Variants in FAT3 observed in about 807,000 individuals in gnomAD.
The protein encoded by FAT3 is protocadherin Fat 3.
Under a neutral mutation model 310.2 loss-of-function variants are expected in FAT3, and 95 were observed. The observed-to-expected ratio is 0.31, with a 90% CI of 0.26 to 0.36. The LOEUF (loss-of-function observed/expected upper bound fraction) is 0.36. Among genes scored for constraint, FAT3 ranks in the 10% least tolerant of loss-of-function variants. The pLI is 1.00. For missense variants in FAT3, 5,408 were observed against 5,715.6 expected, an observed-to-expected ratio of 0.95 and a Z score of 1.74; for synonymous variants, 2,314 against 2,192.9, an observed-to-expected ratio of 1.06 and a Z score of -1.54.
intron 2 of FAT3, among the ~76,000 whole-genome samples, chr11:92,409,194 G>A (rs1245149832): frequency 6.6e-6 from 1 of 151,966 alleles, no homozygotes; most frequent in African/African-American, 2.4e-5. Flanking sequence ...GTTAATAAAT[G>A]TCACCACAGT....
At chr11:92,648,538 G>C (rs1488011915) in intron 3 of FAT3, among the ~76,000 whole-genome samples, 1 of 152,130 alleles carries the variant, frequency 6.6e-6, no homozygotes, top group African/African-American at 2.4e-5. Context: ...GCCTCCCTCA[G>C]AGCAGAACAA....
At chr11:92,261,056 T>C (rs985716885) in intron 1 of FAT3, among the ~76,000 whole-genome samples, 2 of 152,094 alleles carry the variant, frequency 1.3e-5, no homozygotes, top group East Asian at 3.9e-4. Context: ...TTGTATCATT[T>C]ATTCATATTT....
chr11:92,637,237 T>C (rs138274202), intron 3 of FAT3, among the ~76,000 whole-genome samples: 4 of 152,304 alleles, frequency 2.6e-5, no homozygotes, highest in South Asian at 2.1e-4. Flanking sequence ...CACTGCCCCA[T>C]TGAGTATTGG....
In FAT3 at chr11:92,481,760, C is replaced by A. The variant is rs57627969; in HGVS notation, c.3293-42874C>A. ...TTGCTGTCTAGAAATTAGAAAAACA[C>A]CAGATATTTGAGTTGTGTGGCCAGT... is the stretch of plus-strand genomic sequence containing the variant. On this transcript the variant is annotated intron_variant, in intron 2 of 27. Transcript: ENST00000525166. Among the ~76,000 whole-genome samples, 1,376 of 152,188 alleles carry A rather than the reference C, an allele frequency of 9.0e-3. 17 individuals carry two copies. Among genetic ancestry groups the A allele is most frequent in the African/African-American group, 0.032 (1,325 of 41,516 alleles).
At chr11:92,227,969 T>C (rs1488262802) in intron 1 of FAT3, among the ~76,000 whole-genome samples, 1 of 152,132 alleles carries the variant, frequency 6.6e-6, no homozygotes, top group Non-Finnish European at 1.5e-5. Flanking sequence ...CTCTTAGAAT[T>C]AAACCGAATG....
chr11:92,568,014 A>C (rs1018761312), intron 3 of FAT3, among the ~76,000 whole-genome samples: 1 of 152,154 alleles, frequency 6.6e-6, no homozygotes, highest in African/African-American at 2.4e-5. Flanking sequence ...CACATTGTGC[A>C]CATGTACCCT....
chr11:92,246,959 T>C (rs1409878804), intron 1 of FAT3, among the ~76,000 whole-genome samples: 1 of 152,080 alleles, frequency 6.6e-6, no homozygotes, highest in Non-Finnish European at 1.5e-5. Flanking sequence ...GAAATGAAAC[T>C]AAGACTGATA....
intron 12 of FAT3, among the ~76,000 whole-genome samples, chr11:92,807,724 A>G (rs1191792981): frequency 6.6e-6 from 1 of 152,208 alleles, no homozygotes; most frequent in African/African-American, 2.4e-5. Flanking sequence ...CTCCAAACCT[A>G]TAAGCCCTCA....
intron 1 of FAT3, among the ~76,000 whole-genome samples, chr11:92,346,344 C>T (rs7925408): frequency 0.36 from 55,099 of 151,974 alleles, 14,582 homozygotes; most frequent in African/African-American, 0.75. Flanking sequence ...AGTTCCCTAA[C>T]GCAGCTGTAG....
At chr11:92,859,050 C>G in intron 20 of FAT3, 115 bp from the exon 21 acceptor site, 3 of 929,808 alleles carry the variant, frequency 3.2e-6, no homozygotes, top group Non-Finnish European at 4.5e-6. Flanking sequence ...CCTTCATTAA[C>G]TTCTCATGCA....
At chr11:92,867,994 A>G (rs987348990) in intron 22 of FAT3, among the ~76,000 whole-genome samples, 1 of 152,150 alleles carries the variant, frequency 6.6e-6, no homozygotes, top group African/African-American at 2.4e-5. Context: ...TCTAGAGATA[A>G]AAGAATCCCT....
At chr11:92,653,004 C>T (rs1478316951) in intron 3 of FAT3, among the ~76,000 whole-genome samples, 3 of 152,076 alleles carry the variant, frequency 2.0e-5, no homozygotes, top group African/African-American at 4.8e-5. Context: ...CTCTACTATA[C>T]ACAAATTAGC....
chr11:92,656,846 A>G (rs1431863319), intron 3 of FAT3, among the ~76,000 whole-genome samples: 1 of 151,966 alleles, frequency 6.6e-6, no homozygotes, highest in Non-Finnish European at 1.5e-5. Context: ...GACCCTTGGA[A>G]CTCTTCATAA....
At chr11:92,234,902 CAAAAA>C (rs35407952) in intron 1 of FAT3, among the ~76,000 whole-genome samples, 1 of 99,674 alleles carries the variant, frequency 1.0e-5, no homozygotes. Flanking sequence ...GACTCCGTCT[CAAAAA>C]AAAAAAAAAA....
chr11:92,837,659 G>T lies in FAT3; in HGVS notation c.10225-4G>T. On this transcript the variant is annotated splice_polypyrimidine_tract_variant and splice_region_variant and intron_variant, in intron 16 of 27. Coordinates refer to ENST00000525166, the MANE Select transcript of FAT3 (RefSeq NM_001367949.2). ...TTTACTGTCACCTCTTTGTACCTTG[G>T]CAGGTGTCTGGATACTCTCTGCTTG... 1 of 1,613,600 alleles carries T rather than the reference G, an allele frequency of 6.2e-7. No individual in the cohort carries two copies. Among genetic ancestry groups the T allele is most frequent in the Non-Finnish European group, 8.5e-7 (1 of 1,179,768 alleles).
At chr11:92,758,705 C>A (rs1223739826) in intron 4 of FAT3, among the ~76,000 whole-genome samples, 1 of 152,144 alleles carries the variant, frequency 6.6e-6, no homozygotes, top group East Asian at 1.9e-4. Flanking sequence ...GCAGGGAGGC[C>A]AGGAGGCTAC....
At chr11:92,723,272 G>A (rs983601776) in intron 4 of FAT3, among the ~76,000 whole-genome samples, 4 of 152,066 alleles carry the variant, frequency 2.6e-5, no homozygotes, top group Admixed American at 6.5e-5. Flanking sequence ...CATATCTTTA[G>A]GGCAGGGGCA....
At chr11:92,866,709 G>A (rs1480741717) in intron 21 of FAT3, 32 bp from the exon 22 acceptor site, 2 of 1,579,440 alleles carry the variant, frequency 1.3e-6, no homozygotes, top group Non-Finnish European at 1.7e-6. Flanking sequence ...GTTGCATGTT[G>A]AAAAGTGCTG....
chr11:92,577,909 T>C (rs1378473924), intron 3 of FAT3, among the ~76,000 whole-genome samples: 2 of 151,604 alleles, frequency 1.3e-5, no homozygotes, highest in East Asian at 1.9e-4. Context: ...GAGATTGAGA[T>C]AGAGAAAATA....
Sources: allele counts gnomAD v4.1 joint callset (sites outside exome capture counted in the v4.1 genomes callset), GRCh38; gene constraint gnomAD v4.1.1; transcripts MANE v1.5; gene names NCBI Gene and HGNC (gene_info 2026-07-23, HGNC 2026-07-21).